INPP4B: variants seen among roughly 807,000 people sequenced by gnomAD.
INPP4B encodes inositol polyphosphate-4-phosphatase type II B.
A neutral mutation model predicts 122.5 loss-of-function variants in INPP4B; 55 were observed. The observed-to-expected ratio is 0.45, with a 90% CI of 0.36 to 0.56. INPP4B has a LOEUF of 0.56. INPP4B is among the 20% of genes least tolerant of loss of function. The probability of loss-of-function intolerance (pLI) is 0.00; values close to 1 mark genes in which losing one functional copy is unlikely to be tolerated. For missense variants in INPP4B, 1,000 were observed against 1,097.7 expected, an observed-to-expected ratio of 0.91 and a Z score of 1.26; for synonymous variants, 403 against 388.7, an observed-to-expected ratio of 1.04 and a Z score of -0.43.
At position 142,248,336 on chromosome 4, in the gene INPP4B, C is replaced by CTTT. The variant is rs34309443; in HGVS notation, c.689-10328_689-10326dup. On this transcript the variant is annotated intron_variant, in intron 11 of 25. Coordinates refer to ENST00000262992, the MANE Select transcript of INPP4B (RefSeq NM_001101669.3). ...TCTGTGTTTCTCTCTCTCTCTCTCT[C>CTTT]TTTTTTTTTTTTTTTTTTGAGATGG... Among the ~76,000 whole-genome samples the CTTT allele has an allele frequency of 1.8e-3, 195 of 106,302 alleles. 3 individuals carry two copies. Among genetic ancestry groups the CTTT allele is most frequent in the Admixed American group, 2.4e-3 (20 of 8,386 alleles). 69.7% of individuals were successfully genotyped at this position (106,302 alleles called of 152,430 possible).
At chr4:142,115,735 A>G (rs1792923929) in intron 21 of INPP4B, among the ~76,000 whole-genome samples, 1 of 152,214 alleles carries the variant, frequency 6.6e-6, no homozygotes, top group South Asian at 2.1e-4. Flanking sequence ...CATTGAGGCT[A>G]GGAAGAAACT....
In INPP4B at chr4:142,124,479, G is replaced by A. The variant is rs545139240; in HGVS notation, c.1893+109C>T. On this transcript the variant is annotated intron_variant, in intron 19 of 25. Transcript: ENST00000262992. ...GAAACATGGGATACCAAAACTTTAA[G>A]GATCTTTTTAAAAATAAAGCTGTCC... 1.7e-3 allele frequency: 1,749 copies of A among 1,002,640 alleles called. 6 individuals are homozygous for A. Among genetic ancestry groups the A allele is most frequent in the Non-Finnish European group, 2.3e-3 (1,510 of 668,678 alleles). The allele number at this position is 1,002,640 out of a possible 1,614,324, so 62.1% of individuals were successfully genotyped here.
chr4:142,495,306 C>T (rs532701375), intron 2 of INPP4B, among the ~76,000 whole-genome samples: 3 of 151,920 alleles, frequency 2.0e-5, no homozygotes, highest in Non-Finnish European at 2.9e-5. Context: ...CAAATCTAAT[C>T]GGTTTTGAGA....
At chr4:142,415,883 C>T (rs1437587684) in intron 5 of INPP4B, among the ~76,000 whole-genome samples, 2 of 151,960 alleles carry the variant, frequency 1.3e-5, no homozygotes, top group Non-Finnish European at 2.9e-5. Context: ...AACCATCATT[C>T]TCAGCAAACT....
chr4:142,816,225 G>A (rs1053344932), intron 1 of INPP4B, among the ~76,000 whole-genome samples: 5 of 152,094 alleles, frequency 3.3e-5, no homozygotes, highest in African/African-American at 1.2e-4. Flanking sequence ...TTCATTTTTA[G>A]GGTTGTAAGA....
chr4:142,375,935 T>G (rs531392369), intron 7 of INPP4B, among the ~76,000 whole-genome samples: 2 of 152,048 alleles, frequency 1.3e-5, no homozygotes, highest in South Asian at 4.1e-4. Context: ...TAGACAGACG[T>G]CTCTAGACAA....
At position 142,720,807 on chromosome 4, in the gene INPP4B, C is replaced by CTATATATATATA. The variant is rs1462805409; in HGVS notation, c.-191+5031_-191+5032insTATATATATATA. 1.1e-3 allele frequency among the ~76,000 whole-genome samples: 15 copies of CTATATATATATA among 13,716 alleles called. 1 individual carries two copies. The highest frequency in any genetic ancestry group is 2.0e-3 in the Admixed American group (1 of 512). 9.0% of individuals were successfully genotyped at this position (13,716 alleles called of 152,430 possible). A position where few individuals can be genotyped will look rare whatever the true frequency, so the allele number is the denominator to read the frequency against. ...TCTCTCTCTCTCTCTCTCTCTCTCT[C>CTATATATATATA]TCTATATATATATATATATATAGTT... On this transcript the variant is annotated intron_variant, in intron 2 of 25. Coordinates refer to ENST00000262992, the MANE Select transcript of INPP4B (RefSeq NM_001101669.3).
intron 7 of INPP4B, among the ~76,000 whole-genome samples, chr4:142,368,856 C>A (rs1051594942): frequency 6.6e-6 from 1 of 151,960 alleles, no homozygotes; most frequent in Non-Finnish European, 1.5e-5. Flanking sequence ...GAAGAACAAG[C>A]CCTTGGGGGA....
At chr4:142,100,541 T>C (rs1357216644) in intron 23 of INPP4B, among the ~76,000 whole-genome samples, 2 of 151,796 alleles carry the variant, frequency 1.3e-5, no homozygotes, top group Non-Finnish European at 2.9e-5. Flanking sequence ...CTTAGACTTC[T>C]TGATTTCCTG....
intron 7 of INPP4B, among the ~76,000 whole-genome samples, chr4:142,358,750 A>G (rs184093010): frequency 3.3e-5 from 5 of 151,958 alleles, no homozygotes; most frequent in South Asian, 2.1e-4. Flanking sequence ...CACGATAACA[A>G]TCACCTAGAA....
intron 16 of INPP4B, among the ~76,000 whole-genome samples, chr4:142,173,063 C>A (rs1056477387): frequency 1.3e-5 from 2 of 151,896 alleles, no homozygotes; most frequent in Non-Finnish European, 2.9e-5. Flanking sequence ...GATAAAGGAA[C>A]AAGTCACCTT....
At chr4:142,478,854 T>C (rs1580169015) in intron 2 of INPP4B, among the ~76,000 whole-genome samples, 3 of 152,134 alleles carry the variant, frequency 2.0e-5, no homozygotes, top group Admixed American at 6.6e-5. Context: ...ATTCAAGATG[T>C]ATTAAAGACT....
chr4:142,044,662 G>A (rs74731988), intron 25 of INPP4B, among the ~76,000 whole-genome samples: 2,386 of 152,216 alleles, frequency 0.016, 81 homozygotes, highest in African/African-American at 0.055. Context: ...TGATGGAACC[G>A]TTTTAAGATA....
In INPP4B at chr4:142,837,534, T is replaced by C. The variant is rs370578698; in HGVS notation, c.-254+8675A>G. On this transcript the variant is annotated intron_variant, in intron 1 of 25. Coordinates refer to ENST00000262992, the MANE Select transcript of INPP4B (RefSeq NM_001101669.3). ...GAATGAAAATATTGTCCTCCCTTTATGTTGTTGCAAAGAGTAAATGAGATA... is the reference window on the plus strand; with the variant it reads ...GAATGAAAATATTGTCCTCCCTTTACGTTGTTGCAAAGAGTAAATGAGATA... 8.5e-5 allele frequency among the ~76,000 whole-genome samples: 13 copies of C among 152,312 alleles called. No individual in the cohort carries two copies. In the East Asian group the frequency reaches 1.5e-3, roughly 18 times the overall value.
chr4:142,472,305 A>T (rs1011131362), intron 2 of INPP4B, among the ~76,000 whole-genome samples: 2 of 150,974 alleles, frequency 1.3e-5, no homozygotes, highest in Non-Finnish European at 2.9e-5. Context: ...CTACAAAAGT[A>T]CTGTAAAGAT....
At chr4:142,082,219 C>A (rs567082164) in intron 24 of INPP4B, 34 bp from the exon 25 acceptor site, 2 of 1,473,676 alleles carry the variant, frequency 1.4e-6, no homozygotes, top group South Asian at 3.0e-5. Flanking sequence ...GTTTCTTGTT[C>A]ATTTGTAATA....
intron 1 of INPP4B, among the ~76,000 whole-genome samples, chr4:142,839,000 G>T (rs923475255): frequency 5.9e-5 from 9 of 152,194 alleles, no homozygotes; most frequent in African/African-American, 2.2e-4. Context: ...CTCACTGAAA[G>T]TTCAGTCTCC....
chr4:142,458,450 C>T (rs1205206992), intron 3 of INPP4B, among the ~76,000 whole-genome samples: 3 of 151,670 alleles, frequency 2.0e-5, no homozygotes, highest in Non-Finnish European at 1.5e-5. Flanking sequence ...TGAATAAAAA[C>T]AAAAAATATT....
At chr4:142,107,785 AT>A (rs1326141494) in intron 23 of INPP4B, among the ~76,000 whole-genome samples, 1 of 152,152 alleles carries the variant, frequency 6.6e-6, no homozygotes, top group South Asian at 2.1e-4. Context: ...ATTATACAAA[AT>A]TTTTATCAGA....
Sources: allele counts gnomAD v4.1 joint callset (sites outside exome capture counted in the v4.1 genomes callset), GRCh38; gene constraint gnomAD v4.1.1; transcripts MANE v1.5; gene names NCBI Gene and HGNC (gene_info 2026-07-23, HGNC 2026-07-21).